CFAP61: variants seen among roughly 807,000 people sequenced by gnomAD.
CFAP61 encodes the protein cilia- and flagella-associated protein 61.
A neutral mutation model predicts 135.6 loss-of-function variants in CFAP61; 107 were observed. The observed-to-expected ratio is 0.79, with a 90% CI of 0.67 to 0.93. The LOEUF (loss-of-function observed/expected upper bound fraction) is 0.93, where lower values mean the gene tolerates loss of function less well. Among genes scored for constraint, CFAP61 ranks in the 40% least tolerant of loss-of-function variants. The pLI is 0.00. For missense variants in CFAP61, 1,507 were observed against 1,556.2 expected, an observed-to-expected ratio of 0.97 and a Z score of 0.53; for synonymous variants, 575 against 578.5, an observed-to-expected ratio of 0.99 and a Z score of 0.09.
intron 24 of CFAP61, among the ~76,000 whole-genome samples, chr20:20,293,304 A>G (rs1007268574): frequency 1.3e-5 from 2 of 152,224 alleles, no homozygotes; most frequent in African/African-American, 4.8e-5. Context: ...TGCAACTTAA[A>G]TAGATTCTTT....
intron 8 of CFAP61, among the ~76,000 whole-genome samples, chr20:20,128,244 G>A (rs920770788): frequency 6.6e-5 from 10 of 151,738 alleles, no homozygotes; most frequent in Non-Finnish European, 1.5e-4. Context: ...TTCAGCTGAA[G>A]ATTTCCTTCT....
intron 6 of CFAP61, among the ~76,000 whole-genome samples, chr20:20,089,894 G>A (rs1478655031): frequency 3.9e-5 from 6 of 152,196 alleles, no homozygotes; most frequent in Admixed American, 3.3e-4. Context: ...AAGTGCAGAG[G>A]CATCTCAGGA....
At chr20:20,068,006 T>C (rs1260570757) in intron 2 of CFAP61, among the ~76,000 whole-genome samples, 1 of 152,112 alleles carries the variant, frequency 6.6e-6, no homozygotes, top group Non-Finnish European at 1.5e-5. Flanking sequence ...ATGGCTGGCT[T>C]CCCAGGCCAA....
At chr20:20,319,935 G>A (rs1044057166) in intron 25 of CFAP61, among the ~76,000 whole-genome samples, 4 of 152,058 alleles carry the variant, frequency 2.6e-5, no homozygotes, top group Admixed American at 1.3e-4. Context: ...CACCACCTGC[G>A]AAAAACAAGC....
chr20:20,096,425 A>G (rs1451826769), intron 7 of CFAP61, among the ~76,000 whole-genome samples: 2 of 152,262 alleles, frequency 1.3e-5, no homozygotes, highest in East Asian at 3.8e-4. Flanking sequence ...TCTCATTTTC[A>G]TCAGAATGTG....
chr20:20,182,998 C>T (rs2055223711), intron 13 of CFAP61, among the ~76,000 whole-genome samples: 1 of 152,168 alleles, frequency 6.6e-6, no homozygotes, highest in South Asian at 2.1e-4. Flanking sequence ...CTCAGGTTCC[C>T]CACATCTCAT....
intron 25 of CFAP61, among the ~76,000 whole-genome samples, chr20:20,308,640 T>C (rs2056625414): frequency 6.6e-6 from 1 of 152,120 alleles, no homozygotes; most frequent in Non-Finnish European, 1.5e-5. Context: ...CCTGCCAGAG[T>C]TATGAAGACA....
chr20:20,241,537 A>G (rs1365214013), intron 18 of CFAP61, among the ~76,000 whole-genome samples: 1 of 152,220 alleles, frequency 6.6e-6, no homozygotes, highest in East Asian at 1.9e-4. Context: ...ATAATTTAGG[A>G]TAATGCAATG....
In CFAP61 at chr20:20,353,671, G is replaced by A. The variant is rs142471139; in HGVS notation, c.3514-6539G>A. Among the ~76,000 whole-genome samples, 10 of 152,158 alleles carry A rather than the reference G, an allele frequency of 6.6e-5. No individual in the cohort carries two copies. The East Asian group carries it at 1.7e-3, about 26-fold the overall frequency. On this transcript the variant is annotated intron_variant, in intron 26 of 26. Coordinates refer to ENST00000245957, the MANE Select transcript of CFAP61 (RefSeq NM_015585.4). ...AATTGGTTTTGTTATATGTCATCTC[G>A]CTTAAAGTTACAGTTTCCAGGAAGC... is the stretch of plus-strand genomic sequence containing the variant.
intron 8 of CFAP61, chr20:20,107,549 G>A (rs1042183509): frequency 2.6e-5 from 4 of 152,194 alleles, no homozygotes; most frequent in Middle Eastern, 3.4e-3. Flanking sequence ...ATACAGTAGT[G>A]GAGATATATA....
At chr20:20,239,835 TG>T (rs899608778) in intron 18 of CFAP61, among the ~76,000 whole-genome samples, 2 of 152,104 alleles carry the variant, frequency 1.3e-5, no homozygotes, top group African/African-American at 4.8e-5. Flanking sequence ...AGTAGCTGTG[TG>T]GAAGATGGGC....
intron 25 of CFAP61, among the ~76,000 whole-genome samples, chr20:20,325,425 G>A (rs1602026437): frequency 1.3e-5 from 2 of 152,052 alleles, no homozygotes; most frequent in South Asian, 2.1e-4. Context: ...TCTGGCAACC[G>A]CTCATTTTAT....
intron 8 of CFAP61, among the ~76,000 whole-genome samples, chr20:20,105,010 C>T (rs1404804126): frequency 2.0e-5 from 3 of 152,040 alleles, no homozygotes; most frequent in East Asian, 1.9e-4. Context: ...CTTCAGTGTA[C>T]GAGTTTTGGG....
intron 25 of CFAP61, among the ~76,000 whole-genome samples, chr20:20,320,061 A>C (rs1470465970): frequency 6.6e-6 from 1 of 151,924 alleles, no homozygotes; most frequent in Non-Finnish European, 1.5e-5. Flanking sequence ...TATTAAATAC[A>C]GAGTGGGAAA....
At position 20,159,459 on chromosome 20, in the gene CFAP61, G is replaced by C. The variant is rs375845289; in HGVS notation, c.1026+15G>C. ...GTGAACCGGAGGTAGGGTTTGACGA[G>C]GGCCTTTGCGTGCCTTCTAGCCACC... On this transcript the variant is annotated intron_variant, in intron 10 of 26. Coordinates refer to ENST00000245957, the MANE Select transcript of CFAP61 (RefSeq NM_015585.4). The C allele has an allele frequency of 1.1e-5, 17 of 1,611,056 alleles. No individual in the cohort carries two copies. The highest frequency in any genetic ancestry group is 1.4e-5 in the Non-Finnish European group (17 of 1,177,426).
chr20:20,326,108 T>C (rs558074153), intron 25 of CFAP61, among the ~76,000 whole-genome samples: 22 of 152,330 alleles, frequency 1.4e-4, no homozygotes, highest in Non-Finnish European at 5.9e-5. Context: ...AATGCTTGCT[T>C]GCTATCTCTA....
intron 13 of CFAP61, among the ~76,000 whole-genome samples, chr20:20,182,659 T>A (rs1431654036): frequency 6.6e-6 from 1 of 152,184 alleles, no homozygotes; most frequent in East Asian, 1.9e-4. Flanking sequence ...TATGTCTTAA[T>A]TGAGAGTTTA....
In CFAP61 at chr20:20,072,224, C is replaced by T. The variant is rs151271400; in HGVS notation, c.294+1220C>T. 5.7e-4 allele frequency among the ~76,000 whole-genome samples: 85 copies of T among 149,988 alleles called. 1 individual carries two copies. The East Asian group carries it at 0.015, about 26-fold the overall frequency. On this transcript the variant is annotated intron_variant, in intron 3 of 26. Coordinates refer to ENST00000245957, the MANE Select transcript of CFAP61 (RefSeq NM_015585.4). ...CTGCCTCCCAGATTCATGCCATTCT[C>T]CTGCCTCAGCCTCCCAAGTAGCTGG...
intron 10 of CFAP61, among the ~76,000 whole-genome samples, chr20:20,163,315 G>T (rs1650694657): frequency 6.6e-6 from 1 of 152,114 alleles, no homozygotes; most frequent in Admixed American, 6.6e-5. Flanking sequence ...GACTTTCCAG[G>T]TGGCTGTGGT....
Sources: gnomAD v4.1 joint callset for allele counts (sites outside exome capture counted in the v4.1 genomes callset) on GRCh38, gnomAD v4.1.1 for gene constraint, MANE v1.5 for transcripts, NCBI Gene and HGNC (gene_info 2026-07-23, HGNC 2026-07-21) for gene names.